The following EBI3 variants were observed in gnomAD, a reference collection of about 807,000 sequenced individuals.
EBI3 encodes the protein Epstein-Barr virus induced 3.
A neutral mutation model predicts 21.3 loss-of-function variants in EBI3; 19 were observed. The ratio of observed to expected loss-of-function variants is 0.89; its 90% CI spans 0.62 to 1.31. The LOEUF (loss-of-function observed/expected upper bound fraction) is 1.31. EBI3 is among the 50% of genes most tolerant of loss of function. EBI3 has a pLI of 0.00. For synonymous variants in EBI3, 154 were observed against 131.2 expected (o/e 1.17, Z -1.19); for missense variants, 331 against 314.0 (o/e 1.05, Z -0.41).
In EBI3 at chr19:4,237,317, A is replaced by C. The variant is rs910626774; in HGVS notation, c.*229A>C. 5 of 374,494 alleles carry C rather than the reference A, an allele frequency of 1.3e-5. No individual in the cohort carries two copies. The highest frequency in any genetic ancestry group is 2.3e-5 in the Non-Finnish European group (5 of 213,728). The allele number at this position is 374,494 out of a possible 1,614,324, so 23.2% of individuals were successfully genotyped here. A position where few individuals can be genotyped will look rare whatever the true frequency, so the allele number is the denominator to read the frequency against. Reference sequence around the variant, plus strand: ...TCTCCTTTACCTTTACCTTTACCACAGTGCAGGGCTGACTGAACTGTCACT... The same window carrying C: ...TCTCCTTTACCTTTACCTTTACCACCGTGCAGGGCTGACTGAACTGTCACT... On this transcript the variant is annotated 3_prime_UTR_variant, in exon 5 of 5. Coordinates refer to ENST00000221847, the MANE Select transcript of EBI3 (RefSeq NM_005755.3).
At chr19:4,234,226 AC>A (rs1470289214) in intron 3 of EBI3, among the ~76,000 whole-genome samples, 3 of 151,898 alleles carry the variant, frequency 2.0e-5, no homozygotes, top group Non-Finnish European at 4.4e-5. Context: ...ACAAAACAAA[AC>A]AAAAATTGCG....
At chr19:4,231,793 T>G (rs2144674854) in intron 2 of EBI3, among the ~76,000 whole-genome samples, 1 of 145,594 alleles carries the variant, frequency 6.9e-6, no homozygotes, top group Non-Finnish European at 1.5e-5. Flanking sequence ...AAAAAACTAC[T>G]TCCTGGGTTG....
chr19:4,233,489 C>T (rs1970810303), intron 3 of EBI3, among the ~76,000 whole-genome samples, 182 bp downstream of exon 3: 1 of 152,062 alleles, frequency 6.6e-6, no homozygotes, highest in South Asian at 2.1e-4. Flanking sequence ...CAGCCCAGTC[C>T]CCTCCATCCT....
At chr19:4,235,960 C>T (rs1033510728) in intron 4 of EBI3, among the ~76,000 whole-genome samples, 2 of 151,890 alleles carry the variant, frequency 1.3e-5, no homozygotes, top group African/African-American at 2.4e-5. Flanking sequence ...ATAAAAAGCA[C>T]GGTTAGGCTA....
chr19:4,236,963 A>T lies in EBI3; in HGVS notation c.565A>T (p.Ile189Phe). 1 of 1,519,300 alleles carries T rather than the reference A, an allele frequency of 6.6e-7. No individual in the cohort carries two copies. The highest frequency in any genetic ancestry group is 8.9e-7 in the Non-Finnish European group (1 of 1,129,288). 94.1% of individuals were successfully genotyped at this position (1,519,300 alleles called of 1,614,324 possible). The change falls in exon 5 of 5, where the codon ATC becomes TTC. Residue 189 changes from isoleucine to phenylalanine, a missense_variant. Physicochemically the swap from Ile to Phe is conservative, Grantham distance 21 (BLOSUM62 0). Transcript: ENST00000221847. ...GGGGCCCATTGAAGCCACGTCCTTC[A>T]TCCTCAGGGCTGTGCGGCCCCGAGC... The part of the protein sequence containing the change: ...RVGPIEATSF[I>F]LRAVRPRARY...
At chr19:4,233,336 G>A (rs751138843) in intron 3 of EBI3, 29 bp downstream of exon 3, 29 of 1,541,314 alleles carry the variant, frequency 1.9e-5, no homozygotes, top group East Asian at 4.8e-5. Flanking sequence ...GGGGGCGGGG[G>A]CGGGGCTGCC....
intron 2 of EBI3, among the ~76,000 whole-genome samples, chr19:4,232,551 C>CCG (rs36119217): frequency 3.3e-5 from 5 of 150,588 alleles, no homozygotes; most frequent in Non-Finnish European, 5.9e-5. Context: ...GACCCCCCCC[C>CCG]ATCTGTAGAA....
chr19:4,233,954 C>G (rs1970814196), intron 3 of EBI3, among the ~76,000 whole-genome samples: 1 of 152,162 alleles, frequency 6.6e-6, no homozygotes, highest in Non-Finnish European at 1.5e-5. Context: ...CTTGTAATCC[C>G]AGCACTTTGG....
In EBI3 at chr19:4,234,873, A is replaced by G. The variant is rs761373999; in HGVS notation, c.537+49A>G. 3.0e-5 allele frequency: 48 copies of G among 1,600,922 alleles called. No homozygotes were observed. In the South Asian group the frequency reaches 5.1e-4, roughly 17 times the overall value. ...GGAAAGGGTGGTGCCTGGCAGAGGGAATGGTTTTTACCAAGACTAGCAGGT... is the reference window on the plus strand; with the variant it reads ...GGAAAGGGTGGTGCCTGGCAGAGGGGATGGTTTTTACCAAGACTAGCAGGT... On this transcript the variant is annotated intron_variant, in intron 4 of 4. Coordinates refer to ENST00000221847, the MANE Select transcript of EBI3 (RefSeq NM_005755.3).
intron 1 of EBI3, among the ~76,000 whole-genome samples, chr19:4,230,692 T>C (rs1327859543): frequency 2.0e-5 from 3 of 152,128 alleles, no homozygotes; most frequent in Non-Finnish European, 4.4e-5. Context: ...GAGACCAGCC[T>C]GGCCAACATG....
intron 4 of EBI3, 95 bp from the exon 5 acceptor site, chr19:4,236,841 G>A (rs1381359200): frequency 1.0e-5 from 14 of 1,346,626 alleles, no homozygotes; most frequent in South Asian, 1.8e-5. Flanking sequence ...CCTGCAGGGG[G>A]CAGGGAGGAC....
chr19:4,229,675 T>A, intron 1 of EBI3, 58 bp downstream of exon 1: 1 of 1,514,796 alleles, frequency 6.6e-7, no homozygotes. Context: ...ACACGAGGAC[T>A]GGCCTCGGAT....
chr19:4,235,023 C>T (rs926214512), intron 4 of EBI3, among the ~76,000 whole-genome samples, 199 bp downstream of exon 4: 31 of 152,076 alleles, frequency 2.0e-4, no homozygotes, highest in African/African-American at 7.0e-4. Flanking sequence ...TGTCGCACAC[C>T]CGTTTTTGTT....
intron 2 of EBI3, 135 bp from the exon 3 acceptor site, chr19:4,232,994 C>A: frequency 2.8e-6 from 3 of 1,065,552 alleles, no homozygotes; most frequent in Non-Finnish European, 2.6e-6. Flanking sequence ...ACCACCAGGA[C>A]CCCACCCCGG....
intron 4 of EBI3, 21 bp downstream of exon 4, chr19:4,234,845 G>T (rs368676821): frequency 1.8e-4 from 296 of 1,611,556 alleles, no homozygotes; most frequent in Non-Finnish European, 2.2e-4. Context: ...TGAGGGGGAG[G>T]CTGGAAAGGG....
At chr19:4,230,072 C>T (rs995958288) in intron 1 of EBI3, among the ~76,000 whole-genome samples, 16 of 152,128 alleles carry the variant, frequency 1.1e-4, no homozygotes, top group African/African-American at 3.4e-4. Context: ...TACAGGTGCC[C>T]GCCACCATGC....
At chr19:4,231,020 A>G in intron 1 of EBI3, among the ~76,000 whole-genome samples, 171 bp from the exon 2 acceptor site, 1 of 152,142 alleles carries the variant, frequency 6.6e-6, no homozygotes, top group Non-Finnish European at 1.5e-5. Context: ...TGCAGTGGGG[A>G]TAAAAGATGA....
chr19:4,236,852 T>C, intron 4 of EBI3, 84 bp from the exon 5 acceptor site: 3 of 1,387,160 alleles, frequency 2.2e-6, no homozygotes, highest in Non-Finnish European at 2.8e-6. Flanking sequence ...CAGGGAGGAC[T>C]GCACGCTCCG....
intron 2 of EBI3, among the ~76,000 whole-genome samples, chr19:4,232,238 A>G (rs1210896540): frequency 4.9e-5 from 7 of 143,104 alleles, no homozygotes; most frequent in Admixed American, 7.1e-5. Context: ...AAAAAAAAAA[A>G]AAAAAAAGAA....
Sources: allele counts gnomAD v4.1 joint callset (sites outside exome capture counted in the v4.1 genomes callset), GRCh38; gene constraint gnomAD v4.1.1; transcripts MANE v1.5; gene names NCBI Gene and HGNC (gene_info 2026-07-23, HGNC 2026-07-21).